NEXN: variants seen among roughly 807,000 people sequenced by gnomAD.
NEXN encodes nexilin.
A neutral mutation model predicts 92.6 loss-of-function variants in NEXN; 65 were observed. That is an observed-to-expected ratio of 0.70 (90% CI 0.57 to 0.86). The LOEUF (loss-of-function observed/expected upper bound fraction) is 0.86, where lower values mean the gene tolerates loss of function less well. Among genes scored for constraint, NEXN ranks in the 40% least tolerant of loss-of-function variants. The pLI, the probability that NEXN is intolerant of heterozygous loss-of-function variation, is 0.00. For synonymous variants in NEXN, 254 were observed against 242.5 expected (o/e 1.05, Z -0.44); for missense variants, 778 against 771.1 (o/e 1.01, Z -0.11).
chr1:77,930,169 C>T (rs980861375), intron 9 of NEXN, among the ~76,000 whole-genome samples: 2 of 152,170 alleles, frequency 1.3e-5, no homozygotes, highest in African/African-American at 2.4e-5. Flanking sequence ...TTGGTGATAT[C>T]GTAACCTGGT....
intron 11 of NEXN, among the ~76,000 whole-genome samples, chr1:77,941,479 T>A (rs1651301519): frequency 6.6e-6 from 1 of 152,150 alleles, no homozygotes. Context: ...TCCCCATGTT[T>A]CAGCCATTGC....
chr1:77,909,215 G>A (rs1229083333), intron 1 of NEXN, among the ~76,000 whole-genome samples: 2 of 152,236 alleles, frequency 1.3e-5, no homozygotes, highest in South Asian at 4.1e-4. Context: ...GAAGTCAGGA[G>A]TTCAAGACCA....
At chr1:77,926,034 A>G (rs1329080765) in intron 6 of NEXN, among the ~76,000 whole-genome samples, 1 of 152,062 alleles carries the variant, frequency 6.6e-6, no homozygotes, top group Non-Finnish European at 1.5e-5. Flanking sequence ...ATATGAGGAA[A>G]CTTTTTTTTG....
chr1:77,925,916 T>G (rs1296204509), intron 6 of NEXN, among the ~76,000 whole-genome samples: 1 of 152,026 alleles, frequency 6.6e-6, no homozygotes, highest in Non-Finnish European at 1.5e-5. Flanking sequence ...AGAGAGTTTA[T>G]CTATAATATA....
chr1:77,897,477 T>C (rs1647325243), intron 1 of NEXN, among the ~76,000 whole-genome samples: 2 of 152,202 alleles, frequency 1.3e-5, no homozygotes, highest in Non-Finnish European at 2.9e-5. Flanking sequence ...TGCTAAAAAC[T>C]CTCAATAAAT....
rs1650113580 is a variant in NEXN at position 77,929,411 on chromosome 1, AAGAAG to A, written c.967_971del (p.Glu323Ter). 3 of 1,613,918 alleles carry A rather than the reference AAGAAG, an allele frequency of 1.9e-6. No homozygotes were observed. The highest frequency in any genetic ancestry group is 2.2e-5 in the East Asian group (1 of 44,832). ...TCAGTTTTGAAGAAATGGAAAGGCA[AAGAAG>A]AGAAGATGAAAAAAGGAAAGCAGAA... On this transcript the variant is annotated frameshift_variant, in exon 9 of 13. Transcript: ENST00000334785. LOFTEE classifies it high-confidence loss of function.
intron 1 of NEXN, among the ~76,000 whole-genome samples, chr1:77,912,999 AAAAT>A (rs1192217954): frequency 6.6e-6 from 1 of 152,240 alleles, no homozygotes; most frequent in Non-Finnish European, 1.5e-5. Flanking sequence ...AAAGAATTAA[AAAAT>A]AAGCCATAGA....
chr1:77,935,132 C>T (rs189979939), intron 10 of NEXN, among the ~76,000 whole-genome samples: 61 of 152,224 alleles, frequency 4.0e-4, no homozygotes, highest in African/African-American at 1.2e-3. Context: ...GGCACAATCT[C>T]GGCTCACTAC....
chr1:77,897,030 C>T (rs951718230), intron 1 of NEXN, among the ~76,000 whole-genome samples: 4 of 152,142 alleles, frequency 2.6e-5, no homozygotes, highest in African/African-American at 4.8e-5. Context: ...AGCTTACCAA[C>T]CAAAAAAAGT....
At chr1:77,911,641 T>G (rs1332791311) in intron 1 of NEXN, among the ~76,000 whole-genome samples, 1 of 152,028 alleles carries the variant, frequency 6.6e-6, no homozygotes, top group Non-Finnish European at 1.5e-5. Flanking sequence ...ATTTAAAATA[T>G]TCTATAAAAC....
intron 10 of NEXN, among the ~76,000 whole-genome samples, chr1:77,935,545 A>C (rs927392793): frequency 6.6e-6 from 1 of 152,268 alleles, no homozygotes; most frequent in Non-Finnish European, 1.5e-5. Context: ...TTGAGTTAGT[A>C]AATTTGGACC....
chr1:77,915,851 T>C (rs1049587189), intron 1 of NEXN, among the ~76,000 whole-genome samples: 2 of 152,136 alleles, frequency 1.3e-5, no homozygotes, highest in Admixed American at 6.6e-5. Flanking sequence ...ATCAAAAACT[T>C]TCAGGGATCT....
intron 1 of NEXN, among the ~76,000 whole-genome samples, chr1:77,902,153 T>C (rs1280797398): frequency 6.6e-6 from 1 of 152,198 alleles, no homozygotes; most frequent in Non-Finnish European, 1.5e-5. Context: ...ATTTATCTTT[T>C]TCTGTTTATT....
At chr1:77,896,487 G>T (rs1039793811) in intron 1 of NEXN, among the ~76,000 whole-genome samples, 1 of 152,100 alleles carries the variant, frequency 6.6e-6, no homozygotes, top group Non-Finnish European at 1.5e-5. Flanking sequence ...CATCAAGAAG[G>T]CTGGGCATGG....
chr1:77,892,842 G>C (rs1411463553), intron 1 of NEXN, among the ~76,000 whole-genome samples: 1 of 151,576 alleles, frequency 6.6e-6, no homozygotes, highest in Non-Finnish European at 1.5e-5. Context: ...TGCTAAGGAA[G>C]TATTTCCTAG....
chr1:77,892,908 C>T (rs1647141613), intron 1 of NEXN, among the ~76,000 whole-genome samples: 1 of 151,030 alleles, frequency 6.6e-6, no homozygotes. Context: ...GCTTTGTCAC[C>T]CAGGCTAGAG....
At chr1:77,929,246 T>C in intron 8 of NEXN, 70 bp from the exon 9 acceptor site, 1 of 1,165,346 alleles carries the variant, frequency 8.6e-7, no homozygotes, top group Non-Finnish European at 1.3e-6. Flanking sequence ...ATTCTGTGCC[T>C]TTTGATTAAT....
chr1:77,905,002 G>A (rs771542580), intron 1 of NEXN, among the ~76,000 whole-genome samples: 8 of 152,318 alleles, frequency 5.3e-5, no homozygotes, highest in South Asian at 4.1e-4. Flanking sequence ...GGTGGCTCAC[G>A]CCTTTAATCC....
chr1:77,934,610 G>A (rs970361167), intron 10 of NEXN, among the ~76,000 whole-genome samples: 2 of 152,214 alleles, frequency 1.3e-5, no homozygotes, highest in African/African-American at 4.8e-5. Context: ...CTTTCCCAGG[G>A]CCCTGCCTAA....
Sources: allele counts gnomAD v4.1 joint callset (sites outside exome capture counted in the v4.1 genomes callset), GRCh38; gene constraint gnomAD v4.1.1; transcripts MANE v1.5; gene names NCBI Gene and HGNC (gene_info 2026-07-23, HGNC 2026-07-21).